Variants in PCDHGA6 observed in about 807,000 individuals in gnomAD.
PCDHGA6 encodes protocadherin gamma subfamily A, 6.
A neutral mutation model predicts 60.6 loss-of-function variants in PCDHGA6; 41 were observed. The observed-to-expected ratio is 0.68, with a 90% CI of 0.53 to 0.88. The LOEUF (loss-of-function observed/expected upper bound fraction) is 0.88. PCDHGA6 is among the 40% of genes least tolerant of loss of function. The pLI, the probability that PCDHGA6 is intolerant of heterozygous loss-of-function variation, is 0.00. For missense variants in PCDHGA6, 1,312 were observed against 1,203.0 expected, an observed-to-expected ratio of 1.09 and a Z score of -1.34; for synonymous variants, 594 against 524.4, an observed-to-expected ratio of 1.13 and a Z score of -1.81.
intron 1 of PCDHGA6, chr5:141,389,279 T>C: frequency 6.2e-7 from 1 of 1,614,016 alleles, no homozygotes; most frequent in Non-Finnish European, 8.5e-7. Context: ...ACAACCCGCC[T>C]GGAGCCTCTA....
chr5:141,422,691 C>A, intron 1 of PCDHGA6: 1 of 1,603,878 alleles, frequency 6.2e-7, no homozygotes, highest in Non-Finnish European at 8.5e-7. Flanking sequence ...ATGCCCTGGT[C>A]ACTTACTCTC....
rs144804989 is a variant in PCDHGA6 at position 141,489,791 on chromosome 5, C to T, written c.2425-5016C>T. 1.9e-6 allele frequency: 3 copies of T among 1,614,056 alleles called. No individual in the cohort carries two copies. Among genetic ancestry groups the T allele is most frequent in the Admixed American group, 1.7e-5 (1 of 60,010 alleles). Reference sequence around the variant, plus strand: ...AGCCACTTCTCTCTGAATGTGAAGACCCTAAAAGATGGGAAGCCATTCCCA... The same window carrying T: ...AGCCACTTCTCTCTGAATGTGAAGATCCTAAAAGATGGGAAGCCATTCCCA... On this transcript the variant is annotated intron_variant, in intron 1 of 3. Transcript: ENST00000517434. This position sits in a 1 kb window ranked among gnomAD's most constrained non-coding sequence, Gnocchi z 4.5.
intron 1 of PCDHGA6, among the ~76,000 whole-genome samples, chr5:141,420,845 G>A (rs1038454602): frequency 6.6e-6 from 1 of 152,200 alleles, no homozygotes; most frequent in African/African-American, 2.4e-5. Flanking sequence ...GGTGTTCTTG[G>A]TAAAGTTTTA....
intron 1 of PCDHGA6, chr5:141,408,797 C>A (rs965305130): frequency 6.2e-7 from 1 of 1,612,958 alleles, no homozygotes; most frequent in African/African-American, 1.3e-5. Context: ...TCTGGAGAAA[C>A]TCCTAGACCG....
chr5:141,440,990 C>T (rs1195325115), intron 1 of PCDHGA6: 2 of 152,172 alleles, frequency 1.3e-5, no homozygotes, highest in African/African-American at 4.8e-5. Flanking sequence ...CCAGAGTACC[C>T]ATATCTAGTT....
intron 1 of PCDHGA6, among the ~76,000 whole-genome samples, chr5:141,459,812 A>G (rs1390780491): frequency 1.3e-5 from 2 of 152,232 alleles, no homozygotes; most frequent in South Asian, 2.1e-4. Context: ...GACTAGAGAC[A>G]CTGAGCAACT....
intron 1 of PCDHGA6, among the ~76,000 whole-genome samples, chr5:141,429,654 T>C (rs1373502548): frequency 6.6e-6 from 1 of 152,232 alleles, no homozygotes; most frequent in Non-Finnish European, 1.5e-5. Context: ...TTCTTCCCAA[T>C]TTAAAATATA....
chr5:141,375,411 C>T lies in PCDHGA6; in HGVS notation c.1328C>T (p.Ala443Val), dbSNP rs73265852. Reference sequence around the variant, plus strand: ...GAAACAATCATCTCTCTAAATGTGGCAGACACCAACGACAACCCGCCCACC... The same window carrying T: ...GAAACAATCATCTCTCTAAATGTGGTAGACACCAACGACAACCCGCCCACC... ...STETIISLNV[A>V]DTNDNPPTFP... The change falls in exon 1 of 4, where the codon GCA becomes GTA. Residue 443 changes from alanine (A) to valine (V), a missense_variant. Coordinates refer to ENST00000517434, the MANE Select transcript of PCDHGA6 (RefSeq NM_018919.3). 1.5e-3 allele frequency: 2,401 copies of T among 1,613,970 alleles called. 32 individuals are homozygous for T. In the African/African-American group the frequency reaches 0.028, roughly 19 times the overall value.
At chr5:141,427,700 C>A in intron 1 of PCDHGA6, 3 of 945,490 alleles carry the variant, frequency 3.2e-6, no homozygotes, top group South Asian at 2.7e-5. Flanking sequence ...TCCCACAAGT[C>A]AGCGCCTCTG....
intron 1 of PCDHGA6, chr5:141,409,901 C>G: frequency 6.2e-7 from 1 of 1,613,264 alleles, no homozygotes; most frequent in Non-Finnish European, 8.5e-7. Context: ...GTACCCAGCT[C>G]TGGGTCCTGA....
At position 141,489,062 on chromosome 5, in the gene PCDHGA6, C is replaced by G. The variant is rs1466124551; in HGVS notation, c.2425-5745C>G. Reference sequence around the variant, plus strand: ...GCTCCACTCAAATTCAGCTCCCCTCCCCCCTGCCCACCCCCGCCACTCGGT... The same window carrying G: ...GCTCCACTCAAATTCAGCTCCCCTCGCCCCTGCCCACCCCCGCCACTCGGT... On this transcript the variant is annotated intron_variant, in intron 1 of 3. Transcript: ENST00000517434. This position sits in a 1 kb window ranked among gnomAD's most constrained non-coding sequence, Gnocchi z 4.5. 5.3e-6 allele frequency: 2 copies of G among 378,914 alleles called. No homozygotes were observed. Among genetic ancestry groups the G allele is most frequent in the Non-Finnish European group, 9.5e-6 (2 of 209,830 alleles). 23.5% of individuals were successfully genotyped at this position (378,914 alleles called of 1,614,324 possible).
intron 1 of PCDHGA6, chr5:141,383,999 C>A: frequency 1.2e-6 from 2 of 1,613,800 alleles, no homozygotes; most frequent in Non-Finnish European, 1.7e-6. Context: ...ACAGTCATTG[C>A]TCTTTTCTAC....
At chr5:141,483,648 TTGTGTGTGTG>T (rs111458813) in intron 1 of PCDHGA6, among the ~76,000 whole-genome samples, 35 of 149,708 alleles carry the variant, frequency 2.3e-4, no homozygotes, top group Non-Finnish European at 4.6e-4. Flanking sequence ...GGGTGTGTGT[TTGTGTGTGTG>T]TGTGTGTGTG....
intron 1 of PCDHGA6, chr5:141,389,804 T>G (rs751634687): frequency 2.3e-5 from 37 of 1,613,616 alleles, no homozygotes; most frequent in Non-Finnish European, 3.1e-5. Flanking sequence ...GCCAGCGCCT[T>G]CTGGTCGCCG....
intron 1 of PCDHGA6, chr5:141,422,357 C>G: frequency 6.4e-7 from 1 of 1,557,656 alleles, no homozygotes; most frequent in African/African-American, 1.4e-5. Flanking sequence ...GATCAAGATT[C>G]TGGAGAAAAT....
chr5:141,423,141 G>T (rs2096714253), intron 1 of PCDHGA6: 6 of 1,613,580 alleles, frequency 3.7e-6, no homozygotes, highest in East Asian at 2.2e-5. Context: ...ACAGAGACGC[G>T]CTCAAGCAGA....
At chr5:141,436,200 T>C (rs1266606536) in intron 1 of PCDHGA6, among the ~76,000 whole-genome samples, 1 of 152,014 alleles carries the variant, frequency 6.6e-6, no homozygotes, top group African/African-American at 2.4e-5. Context: ...AAGAAAGACA[T>C]AATAGGAAAA....
At position 141,414,671 on chromosome 5, in the gene PCDHGA6, C is replaced by A. The variant is rs115280317; in HGVS notation, c.2424+38164C>A. On this transcript the variant is annotated intron_variant, in intron 1 of 3. Coordinates refer to ENST00000517434, the MANE Select transcript of PCDHGA6 (RefSeq NM_018919.3). ...ATTATTTACTCCCTGGCTGAAGACA[C>A]CATCCAGGGGGTACCTCTGTCCTCA... 857 of 1,613,966 alleles carry A rather than the reference C, an allele frequency of 5.3e-4. 9 individuals carry two copies. In the African/African-American group the frequency reaches 0.01, roughly 19 times the overall value.
chr5:141,384,191 C>T (rs376661364), intron 1 of PCDHGA6: 30 of 1,613,842 alleles, frequency 1.9e-5, no homozygotes, highest in Non-Finnish European at 2.5e-5. Context: ...GGAACTCCTC[C>T]CTTGTCCAGG....
Sources: gnomAD v4.1 joint callset for allele counts (sites outside exome capture counted in the v4.1 genomes callset) on GRCh38, gnomAD v4.1.1 for gene constraint, Gnocchi (gnomAD v3.1) non-coding constraint, MANE v1.5 for transcripts, NCBI Gene and HGNC (gene_info 2026-07-23, HGNC 2026-07-21) for gene names.